Variants in AFF1 observed in about 807,000 individuals in gnomAD.
AFF1 encodes AF4/FMR2 family member 1.
AFF1 carries 48 observed loss-of-function variants against 121.7 expected under a neutral mutation model. The observed-to-expected ratio is 0.39, with a 90% CI of 0.31 to 0.50. The LOEUF (loss-of-function observed/expected upper bound fraction) is 0.50, where lower values mean the gene tolerates loss of function less well. Ranked by LOEUF, AFF1 falls within the 20% of genes least tolerant of loss-of-function variation. AFF1 has a pLI of 0.76. For synonymous variants in AFF1, 613 were observed against 563.0 expected, an observed-to-expected ratio of 1.09 and a Z score of -1.26; for missense variants, 1,523 against 1,511.7, an observed-to-expected ratio of 1.01 and a Z score of -0.12.
rs1218548764 is a variant in AFF1, at chr4:86,973,109, C to G, written c.38+24538C>G. 2.0e-5 allele frequency among the ~76,000 whole-genome samples: 3 copies of G among 152,194 alleles called. No homozygotes were observed. The South Asian group carries it at 6.2e-4, about 32-fold the overall frequency. On this transcript the variant is annotated intron_variant, in intron 2 of 20. Transcript: ENST00000395146. ...CAAAGATACTGCTTGTGGCTTCTGACCTTGGTGTTGCAATCAACTTGGAGT... is the reference window on the plus strand; with the variant it reads ...CAAAGATACTGCTTGTGGCTTCTGAGCTTGGTGTTGCAATCAACTTGGAGT...
chr4:87,058,386 G>A (rs1423648980), intron 4 of AFF1, among the ~76,000 whole-genome samples: 1 of 152,176 alleles, frequency 6.6e-6, no homozygotes, highest in Non-Finnish European at 1.5e-5. Flanking sequence ...TCAAATGACA[G>A]GATGAGTAAA....
chr4:87,135,416 G>A (rs542638210), intron 20 of AFF1, among the ~76,000 whole-genome samples, 164 bp from the exon 21 acceptor site: 1 of 152,326 alleles, frequency 6.6e-6, no homozygotes, highest in African/African-American at 2.4e-5. Flanking sequence ...TAGTCTAGTG[G>A]AGAATTAGCA....
chr4:87,067,568 A>G (rs2149668372), intron 4 of AFF1, among the ~76,000 whole-genome samples: 1 of 152,306 alleles, frequency 6.6e-6, no homozygotes, highest in Admixed American at 6.5e-5. Flanking sequence ...CTGGAATTTC[A>G]GGGGCATTGC....
chr4:87,116,226 A>G (rs770525689), intron 12 of AFF1, among the ~76,000 whole-genome samples: 3 of 152,216 alleles, frequency 2.0e-5, no homozygotes, highest in Non-Finnish European at 4.4e-5. Flanking sequence ...ATTTTGGAAG[A>G]TTCTTTTGGA....
rs886109377 is a variant in AFF1, at chr4:87,081,247, C to T, written c.1060-2873C>T. Among the ~76,000 whole-genome samples, 17 of 147,936 alleles carry T rather than the reference C, an allele frequency of 1.1e-4. 1 individual carries two copies. Among genetic ancestry groups the T allele is most frequent in the Admixed American group, 8.1e-4 (12 of 14,764 alleles). ...CCCAATCTCTGCTCACTGCAAGCTC[C>T]GCCTCCCAGGTTCACACGACTCTCC... is the stretch of plus-strand genomic sequence containing the variant. On this transcript the variant is annotated intron_variant, in intron 4 of 20. Coordinates refer to ENST00000395146, the MANE Select transcript of AFF1 (RefSeq NM_001166693.3).
At chr4:87,029,297 G>C (rs1427361108) in intron 2 of AFF1, among the ~76,000 whole-genome samples, 1 of 152,066 alleles carries the variant, frequency 6.6e-6, no homozygotes, top group Non-Finnish European at 1.5e-5. Flanking sequence ...GTTTTAAATG[G>C]GAAGGAATAG....
chr4:87,007,202 G>A (rs1376369633), intron 2 of AFF1: 8 of 1,425,536 alleles, frequency 5.6e-6, no homozygotes, highest in Middle Eastern at 2.6e-4. Flanking sequence ...ATGTCCATCA[G>A]GATTAGCGCG....
chr4:87,020,243 T>A (rs1727760899), intron 2 of AFF1, among the ~76,000 whole-genome samples: 1 of 152,236 alleles, frequency 6.6e-6, no homozygotes, highest in African/African-American at 2.4e-5. Flanking sequence ...TATTTTCAAA[T>A]GAATGTATTG....
chr4:86,971,994 C>T (rs190244990), intron 2 of AFF1, among the ~76,000 whole-genome samples: 72 of 151,762 alleles, frequency 4.7e-4, no homozygotes, highest in Non-Finnish European at 7.8e-4. Context: ...AAAGATTAGT[C>T]GGGAATAGTG....
chr4:86,971,084 G>T (rs556783073), intron 2 of AFF1, among the ~76,000 whole-genome samples: 1 of 152,284 alleles, frequency 6.6e-6, no homozygotes, highest in Admixed American at 6.5e-5. Flanking sequence ...TTTACACTGC[G>T]GTGAGCATGG....
chr4:87,130,977 A>G lies in AFF1; in HGVS notation c.2965-106A>G, dbSNP rs1728773283. 12 of 1,419,336 alleles carry G rather than the reference A, an allele frequency of 8.5e-6. No individual in the cohort carries two copies. The South Asian group carries it at 1.5e-4, about 17-fold the overall frequency. 87.9% of individuals were successfully genotyped at this position (1,419,336 alleles called of 1,614,324 possible). On this transcript the variant is annotated intron_variant, in intron 16 of 20. Coordinates refer to ENST00000395146, the MANE Select transcript of AFF1 (RefSeq NM_001166693.3). Reference sequence around the variant, plus strand: ...TTCATCCTCACACTTCTCCCTGGCCATAATTAAACTAAGACAGTGGAGGAA... The same window carrying G: ...TTCATCCTCACACTTCTCCCTGGCCGTAATTAAACTAAGACAGTGGAGGAA...
chr4:86,946,219 G>C (rs1720847702), intron 1 of AFF1, among the ~76,000 whole-genome samples: 1 of 151,996 alleles, frequency 6.6e-6, no homozygotes, highest in Non-Finnish European at 1.5e-5. Context: ...ACCACCCTAC[G>C]TAGAACCGCA....
intron 2 of AFF1, among the ~76,000 whole-genome samples, chr4:86,976,326 G>A (rs1427336050): frequency 2.6e-5 from 4 of 152,098 alleles, no homozygotes; most frequent in African/African-American, 9.7e-5. Context: ...AGAGGTGGGT[G>A]GTGTAGAAAG....
intron 4 of AFF1, among the ~76,000 whole-genome samples, chr4:87,064,516 A>C (rs1419639412): frequency 6.6e-6 from 1 of 152,186 alleles, no homozygotes; most frequent in East Asian, 1.9e-4. Flanking sequence ...CCGAGGCAGG[A>C]GGATTCCTCG....
intron 7 of AFF1, among the ~76,000 whole-genome samples, chr4:87,093,693 G>A (rs909234329): frequency 6.6e-6 from 1 of 152,162 alleles, no homozygotes; most frequent in Non-Finnish European, 1.5e-5. Flanking sequence ...AGACAGAGGG[G>A]AGGCCATTTG....
At chr4:87,109,604 T>C (rs565377602) in intron 11 of AFF1, among the ~76,000 whole-genome samples, 1 of 152,376 alleles carries the variant, frequency 6.6e-6, no homozygotes, top group East Asian at 1.9e-4. Context: ...CTTTGCTTTA[T>C]GTTTCACCTT....
chr4:87,008,454 G>A (rs1435011682), intron 2 of AFF1, among the ~76,000 whole-genome samples: 2 of 152,144 alleles, frequency 1.3e-5, no homozygotes, highest in African/African-American at 2.4e-5. Flanking sequence ...CCTCCTATGT[G>A]CTACCTGCTT....
chr4:87,090,419 A>G (rs1340307139), intron 6 of AFF1, among the ~76,000 whole-genome samples: 1 of 152,234 alleles, frequency 6.6e-6, no homozygotes, highest in Non-Finnish European at 1.5e-5. Context: ...TACATCTTAC[A>G]TATCTCACAC....
chr4:87,130,952 T>G (rs940365226), intron 16 of AFF1, 131 bp from the exon 17 acceptor site: 3 of 1,240,684 alleles, frequency 2.4e-6, no homozygotes, highest in Non-Finnish European at 3.4e-6. Flanking sequence ...TTTTAGTTCA[T>G]TCATCCTCAC....
Sources: gnomAD v4.1 joint callset for allele counts (sites outside exome capture counted in the v4.1 genomes callset) on GRCh38, gnomAD v4.1.1 for gene constraint, MANE v1.5 for transcripts, NCBI Gene and HGNC (gene_info 2026-07-23, HGNC 2026-07-21) for gene names.